OSBPL2: variants seen among roughly 807,000 people sequenced by gnomAD.
The protein encoded by OSBPL2 is oxysterol binding protein like 2.
OSBPL2 carries 18 observed loss-of-function variants against 58.4 expected under a neutral mutation model. The ratio of observed to expected loss-of-function variants is 0.31; its 90% confidence interval spans 0.21 to 0.46. The LOEUF (loss-of-function observed/expected upper bound fraction) is 0.46, where lower values mean the gene tolerates loss of function less well. Ranked by LOEUF, OSBPL2 falls within the 20% of genes least tolerant of loss-of-function variation. The pLI is 1.00. For synonymous variants in OSBPL2, 221 were observed against 234.1 expected (o/e 0.94, Z 0.51); for missense variants, 461 against 616.5 (o/e 0.75, Z 2.67).
chr20:62,252,062 T>G (rs1980592993), intron 1 of OSBPL2, among the ~76,000 whole-genome samples: 1 of 151,220 alleles, frequency 6.6e-6, no homozygotes, highest in African/African-American at 2.4e-5. Context: ...TTTTGTGTAT[T>G]TTGTAGAGAT....
intron 1 of OSBPL2, among the ~76,000 whole-genome samples, chr20:62,249,095 G>T (rs1980351078): frequency 1.3e-5 from 2 of 152,220 alleles, no homozygotes; most frequent in Admixed American, 6.5e-5. Flanking sequence ...GACGGGGACA[G>T]CACCTTTAAG....
rs890936109 is a variant in OSBPL2 at position 62,281,968 on chromosome 20, C to T, written c.872+89C>T. 20 of 797,818 alleles carry T rather than the reference C, an allele frequency of 2.5e-5. 1 individual carries two copies. The Admixed American group carries it at 3.4e-4, about 13-fold the overall frequency. 49.4% of individuals were successfully genotyped at this position (797,818 alleles called of 1,614,324 possible). Reference sequence around the variant, plus strand: ...CAGGTGCTCCTGGGCCTGCGTGTGCCTACGTGCATGAGACGCGGGTACACC... The same window carrying T: ...CAGGTGCTCCTGGGCCTGCGTGTGCTTACGTGCATGAGACGCGGGTACACC... On this transcript the variant is annotated intron_variant, in intron 9 of 13. Transcript: ENST00000313733.
chr20:62,265,061 TTGTAATCA>T (rs1437117059), intron 4 of OSBPL2, among the ~76,000 whole-genome samples: 1 of 152,202 alleles, frequency 6.6e-6, no homozygotes, highest in East Asian at 1.9e-4. Flanking sequence ...GCATTTCTCT[TTGTAATCA>T]ATGTTTTAGG....
chr20:62,256,154 G>A lies in OSBPL2; in HGVS notation c.-31G>A, dbSNP rs1980907448. The A allele has an allele frequency of 6.2e-7, 1 of 1,612,618 alleles. No individual in the cohort carries two copies. The highest frequency in any genetic ancestry group is 8.5e-7 in the Non-Finnish European group (1 of 1,178,774). On this transcript the variant is annotated 5_prime_UTR_variant, in exon 2 of 14. The change abolishes an upstream ATG in the 5' untranslated region. Coordinates refer to ENST00000313733, the MANE Select transcript of OSBPL2 (RefSeq NM_144498.4). ...ACGATGATTCAGTAGAAGAGCACAT[G>A]TCAGGGGCAGTGGAGGCTGGCTGCT...
chr20:62,244,329 CCT>C (rs1479018808), intron 1 of OSBPL2, among the ~76,000 whole-genome samples: 2 of 152,372 alleles, frequency 1.3e-5, no homozygotes, highest in East Asian at 3.9e-4. Context: ...AGGCTGGGCT[CCT>C]CTCGGGGCCG....
Position 62,295,677 on chromosome 20 carries a change from C to T in OSBPL2, c.*1790C>T, listed in dbSNP as rs890526711. The T allele has an allele frequency of 3.3e-5, 5 of 152,262 alleles. No homozygotes were observed. Among genetic ancestry groups the T allele is most frequent in the Non-Finnish European group, 7.4e-5 (5 of 68,018 alleles). The allele number at this position is 152,262 out of a possible 1,614,324, so 9.4% of individuals were successfully genotyped here. A position where few individuals can be genotyped will look rare whatever the true frequency, so the allele number is the denominator to read the frequency against. On this transcript the variant is annotated 3_prime_UTR_variant, in exon 14 of 14. Transcript: ENST00000313733. The surrounding 1 kb of genome is among the most constrained non-coding windows in gnomAD (Gnocchi z 4.8). ...TCAAAGAGGAGACTTTGAAATTCCC[C>T]GATGGCTGGAATGTGGAGCCCAGGT...
chr20:62,283,117 A>G (rs1470823921), intron 9 of OSBPL2, among the ~76,000 whole-genome samples: 4 of 152,212 alleles, frequency 2.6e-5, no homozygotes, highest in African/African-American at 7.2e-5. Flanking sequence ...GCTGACCCTC[A>G]GTGAGTGCAT....
chr20:62,263,100 T>C (rs1981425132), intron 3 of OSBPL2, among the ~76,000 whole-genome samples: 1 of 152,178 alleles, frequency 6.6e-6, no homozygotes, highest in Admixed American at 6.5e-5. Flanking sequence ...GAGGGTCTCC[T>C]GGTGCAAGCA....
intron 12 of OSBPL2, 135 bp downstream of exon 12, chr20:62,289,465 A>G: frequency 3.8e-6 from 4 of 1,064,778 alleles, no homozygotes; most frequent in Non-Finnish European, 5.3e-6. Context: ...CTAAACAAAC[A>G]GGCAGGCTGC....
chr20:62,261,254 T>G lies in OSBPL2; in HGVS notation c.182+1129T>G, dbSNP rs1177587704. 4.2e-5 allele frequency among the ~76,000 whole-genome samples: 6 copies of G among 143,798 alleles called. No homozygotes were observed. The South Asian group carries it at 8.7e-4, about 21-fold the overall frequency. The allele number at this position is 143,798 out of a possible 152,430, so 94.3% of individuals were successfully genotyped here. On this transcript the variant is annotated intron_variant, in intron 3 of 13. Coordinates refer to ENST00000313733, the MANE Select transcript of OSBPL2 (RefSeq NM_144498.4). ...TCACTTGAACCCGGGAGGCAGAGGT[T>G]ACAGTGAGCCGAGGTCACGCCGCTG...
chr20:62,288,920 G>A lies in OSBPL2; in HGVS notation c.1126-287G>A, dbSNP rs1224609389. Among the ~76,000 whole-genome samples, 1 of 152,172 alleles carries A rather than the reference G, an allele frequency of 6.6e-6. No individual in the cohort carries two copies. Among genetic ancestry groups the A allele is most frequent in the Non-Finnish European group, 1.5e-5 (1 of 68,028 alleles). On this transcript the variant is annotated intron_variant, in intron 11 of 13. Coordinates refer to ENST00000313733, the MANE Select transcript of OSBPL2 (RefSeq NM_144498.4). The surrounding 1 kb of genome is among the most constrained non-coding windows in gnomAD (Gnocchi z 4.8). Reference sequence around the variant, plus strand: ...GGCGTGGCTGGAGTGTTTCCAGCAAGCTGGTGACAAATCTGTTGATGAGAT... The same window carrying A: ...GGCGTGGCTGGAGTGTTTCCAGCAAACTGGTGACAAATCTGTTGATGAGAT...
intron 1 of OSBPL2, among the ~76,000 whole-genome samples, chr20:62,248,150 CTTTTCTTTT>C (rs913385372): frequency 5.6e-5 from 6 of 107,934 alleles, no homozygotes; most frequent in East Asian, 2.9e-4. Context: ...TTTTTCTTTT[CTTTTCTTTT>C]TTTTTTTTTT....
At chr20:62,238,809 G>A (rs1194524304) in intron 1 of OSBPL2, 1 of 151,802 alleles carries the variant, frequency 6.6e-6, no homozygotes, top group Non-Finnish European at 1.5e-5. Flanking sequence ...GGCGCCCCGG[G>A]GAAACTTTGG....
chr20:62,263,915 A>G (rs1232874322), intron 4 of OSBPL2, among the ~76,000 whole-genome samples: 3 of 152,030 alleles, frequency 2.0e-5, no homozygotes, highest in Non-Finnish European at 4.4e-5. Context: ...AATTCCAAAA[A>G]TTAGCTGGGC....
At chr20:62,254,723 T>A (rs2145925736) in intron 1 of OSBPL2, among the ~76,000 whole-genome samples, 1 of 152,382 alleles carries the variant, frequency 6.6e-6, no homozygotes, top group African/African-American at 2.4e-5. Context: ...TTTTGTATTT[T>A]TGACACAAGT....
At chr20:62,251,407 CT>C (rs1249189807) in intron 1 of OSBPL2, among the ~76,000 whole-genome samples, 1,214 of 110,816 alleles carry the variant, frequency 0.011, 10 homozygotes, top group African/African-American at 0.025. Flanking sequence ...ACTATCGTGA[CT>C]TTTTTTTTTT....
At chr20:62,259,390 A>G (rs1037440106) in intron 2 of OSBPL2, among the ~76,000 whole-genome samples, 5 of 152,156 alleles carry the variant, frequency 3.3e-5, no homozygotes, top group African/African-American at 4.8e-5. Context: ...TCTCACTCAC[A>G]TTCTAAAGAG....
At chr20:62,257,873 C>G (rs1394491801) in intron 2 of OSBPL2, among the ~76,000 whole-genome samples, 1 of 152,110 alleles carries the variant, frequency 6.6e-6, no homozygotes, top group African/African-American at 2.4e-5. Flanking sequence ...CACCACCACG[C>G]CTGGCTAATT....
intron 7 of OSBPL2, chr20:62,280,050 C>T: frequency 2.3e-6 from 3 of 1,304,286 alleles, no homozygotes; most frequent in Non-Finnish European, 3.0e-6. Flanking sequence ...AAGTCTCCAA[C>T]AAATGCCGGC....
Sources: gnomAD v4.1 joint callset for allele counts (sites outside exome capture counted in the v4.1 genomes callset) on GRCh38, gnomAD v4.1.1 for gene constraint, Gnocchi (gnomAD v3.1) non-coding constraint, MANE v1.5 for transcripts, NCBI Gene and HGNC (gene_info 2026-07-23, HGNC 2026-07-21) for gene names.